Variants in CNBD1 observed in about 807,000 individuals in gnomAD.
CNBD1 encodes the protein cyclic nucleotide-binding domain-containing protein 1.
CNBD1 carries 71 observed loss-of-function variants against 54.4 expected under a neutral mutation model. That is an observed-to-expected ratio of 1.30 (90% CI 1.08 to 1.59). CNBD1 has a LOEUF of 1.59. Ranked by LOEUF, CNBD1 falls within the 40% of genes most tolerant of loss-of-function variation. The pLI, the probability that CNBD1 is intolerant of heterozygous loss-of-function variation, is 0.00. For synonymous variants in CNBD1, 182 were observed against 170.7 expected, an observed-to-expected ratio of 1.07 and a Z score of -0.51; for missense variants, 659 against 518.0, an observed-to-expected ratio of 1.27 and a Z score of -2.64.
At chr8:87,010,444 A>G (rs953980397) in intron 4 of CNBD1, among the ~76,000 whole-genome samples, 1 of 151,426 alleles carries the variant, frequency 6.6e-6, no homozygotes, top group Non-Finnish European at 1.5e-5. Flanking sequence ...TTTATATTTT[A>G]CTCTTTAAAA....
In CNBD1 at chr8:86,939,609, G is replaced by A; in HGVS notation, c.286G>A (p.Gly96Ser). The A allele has an allele frequency of 6.3e-7, 1 of 1,586,906 alleles. No individual in the cohort carries two copies. Among genetic ancestry groups the A allele is most frequent in the Non-Finnish European group, 8.5e-7 (1 of 1,170,076 alleles). Residue 96 changes from glycine (G) to serine (S), a missense_variant, in exon 4 of 11, where the codon GGC becomes AGC. Transcript: ENST00000518476. ...TTTCTTGTTCAGGGAACTCAATGAAGGCAAAGAGGAAAGTCAACATCAACA... is the reference window on the plus strand; with the variant it reads ...TTTCTTGTTCAGGGAACTCAATGAAAGCAAAGAGGAAAGTCAACATCAACA... ...KQEEQRELNE[G>S]KEESQHQQPD...
chr8:87,022,183 A>G (rs1490643878), intron 4 of CNBD1, among the ~76,000 whole-genome samples: 1 of 152,222 alleles, frequency 6.6e-6, no homozygotes, highest in Non-Finnish European at 1.5e-5. Flanking sequence ...AGTACTTTGC[A>G]AGGAAGCAAC....
At chr8:87,005,569 C>T (rs1809081467) in intron 4 of CNBD1, among the ~76,000 whole-genome samples, 1 of 151,540 alleles carries the variant, frequency 6.6e-6, no homozygotes, top group Non-Finnish European at 1.5e-5. Flanking sequence ...TTCTGCTTGC[C>T]TATTTATTAA....
At chr8:87,346,876 C>T (rs72668624) in intron 8 of CNBD1, among the ~76,000 whole-genome samples, 13,636 of 152,138 alleles carry the variant, frequency 0.09, 624 homozygotes, top group South Asian at 0.097. Flanking sequence ...GATTTTATTG[C>T]CTCACAGGTG....
chr8:86,924,984 T>C (rs1401567924), intron 3 of CNBD1, among the ~76,000 whole-genome samples: 1 of 152,196 alleles, frequency 6.6e-6, no homozygotes, highest in African/African-American at 2.4e-5. Context: ...GAGAAGACCT[T>C]GAGTTTGGCA....
Position 87,372,334 on chromosome 8 carries a change from G to T in CNBD1, c.1304-10286G>T, listed in dbSNP as rs187224118. 3.1e-3 allele frequency among the ~76,000 whole-genome samples: 473 copies of T among 152,030 alleles called. 2 individuals carry two copies. The highest frequency in any genetic ancestry group is 0.011 in the African/African-American group (447 of 41,536). On this transcript the variant is annotated intron_variant, in intron 10 of 10. Coordinates refer to ENST00000518476, the MANE Select transcript of CNBD1 (RefSeq NM_173538.3). ...TGGGCCCTGTTGTAGATATCTTTTA[G>T]TTTATCCTACTTGCAGTTTTCACTG...
intron 2 of CNBD1, among the ~76,000 whole-genome samples, chr8:87,395,975 T>C (rs1811402946): frequency 6.6e-6 from 1 of 151,952 alleles, no homozygotes; most frequent in Non-Finnish European, 1.5e-5. Flanking sequence ...TCTGCCATAA[T>C]TGTAAGTTTC....
intron 10 of CNBD1, among the ~76,000 whole-genome samples, chr8:87,359,938 G>A: frequency 6.6e-6 from 1 of 151,934 alleles, no homozygotes; most frequent in Non-Finnish European, 1.5e-5. Flanking sequence ...TGGTTATGTT[G>A]CCTTCACTTT....
At chr8:86,917,768 C>T (rs1420171079) in intron 3 of CNBD1, among the ~76,000 whole-genome samples, 4 of 152,134 alleles carry the variant, frequency 2.6e-5, no homozygotes, top group Non-Finnish European at 4.4e-5. Context: ...TCTCCAACTA[C>T]AATCATGTAA....
intron 4 of CNBD1, among the ~76,000 whole-genome samples, chr8:87,036,575 C>G (rs1251982330): frequency 8.8e-6 from 1 of 113,762 alleles, no homozygotes. Flanking sequence ...GCCTGGGCGA[C>G]AGAGCGAGAC....
chr8:87,283,986 A>G (rs1481981268), intron 6 of CNBD1, among the ~76,000 whole-genome samples: 1 of 152,154 alleles, frequency 6.6e-6, no homozygotes, highest in African/African-American at 2.4e-5. Flanking sequence ...TATGGATTTG[A>G]AGTAGAAAAA....
chr8:86,892,476 T>A (rs1808783661), intron 2 of CNBD1, among the ~76,000 whole-genome samples: 1 of 152,100 alleles, frequency 6.6e-6, no homozygotes, highest in African/African-American at 2.4e-5. Context: ...TGATTGTTAA[T>A]CATCGTTATT....
intron 10 of CNBD1, among the ~76,000 whole-genome samples, chr8:87,370,297 C>T (rs917685733): frequency 1.1e-4 from 17 of 152,086 alleles, no homozygotes; most frequent in South Asian, 2.1e-4. Context: ...CCTGAGGAAT[C>T]GCCACACTGA....
At chr8:87,313,250 A>G (rs1809307293) in intron 8 of CNBD1, among the ~76,000 whole-genome samples, 1 of 152,094 alleles carries the variant, frequency 6.6e-6, no homozygotes, top group East Asian at 1.9e-4. Flanking sequence ...TGTTTTAGAA[A>G]GAATTGCAGG....
At chr8:86,874,644 G>A (rs1488032899) in intron 1 of CNBD1, among the ~76,000 whole-genome samples, 3 of 151,850 alleles carry the variant, frequency 2.0e-5, no homozygotes, top group Non-Finnish European at 2.9e-5. Context: ...ATTAAATATA[G>A]GAACTCTGGG....
intron 8 of CNBD1, among the ~76,000 whole-genome samples, chr8:87,338,887 G>A (rs759041596): frequency 4.6e-5 from 7 of 152,046 alleles, no homozygotes; most frequent in Non-Finnish European, 8.8e-5. Context: ...AGGTGTGTGG[G>A]TGAGGGGAAG....
At chr8:87,141,027 A>G (rs1003614297) in intron 4 of CNBD1, among the ~76,000 whole-genome samples, 1 of 152,192 alleles carries the variant, frequency 6.6e-6, no homozygotes, top group Non-Finnish European at 1.5e-5. Context: ...TTACTTCTGA[A>G]CATTAATAAA....
Position 87,334,248 on chromosome 8 carries a change from G to T in CNBD1, c.1043-17437G>T, listed in dbSNP as rs1809895263. 2.6e-5 allele frequency among the ~76,000 whole-genome samples: 4 copies of T among 151,780 alleles called. No individual in the cohort carries two copies. In the South Asian group the frequency reaches 8.3e-4, roughly 32 times the overall value. On this transcript the variant is annotated intron_variant, in intron 8 of 10. Transcript: ENST00000518476. ...GATATCCCCTTTATCAATTTTTATT[G>T]TGTCTATTTGATTCTTCTCTCTTTT... is the stretch of plus-strand genomic sequence containing the variant.
At chr8:86,965,168 C>T (rs1365760191) in intron 4 of CNBD1, among the ~76,000 whole-genome samples, 2 of 152,126 alleles carry the variant, frequency 1.3e-5, no homozygotes. Flanking sequence ...CTTTGTTTGG[C>T]AACATTCTTA....
Sources: gnomAD v4.1 joint callset for allele counts (sites outside exome capture counted in the v4.1 genomes callset) on GRCh38, gnomAD v4.1.1 for gene constraint, MANE v1.5 for transcripts, NCBI Gene and HGNC (gene_info 2026-07-23, HGNC 2026-07-21) for gene names.